The following GC variants were observed in gnomAD, a reference collection of about 807,000 sequenced individuals.
GC encodes the protein vitamin D-binding protein.
GC carries 43 observed loss-of-function variants against 56.7 expected under a neutral mutation model. The observed-to-expected ratio is 0.76, with a 90% CI of 0.59 to 0.98. GC has a LOEUF of 0.98. GC is among the 50% of genes least tolerant of loss of function. The pLI is 0.00. For synonymous variants in GC, 216 were observed against 202.7 expected (o/e 1.07, Z -0.56); for missense variants, 529 against 545.9 (o/e 0.97, Z 0.31).
intron 1 of GC, among the ~76,000 whole-genome samples, chr4:71,790,942 G>A (rs959536002): frequency 6.6e-6 from 1 of 151,666 alleles, no homozygotes; most frequent in Non-Finnish European, 1.5e-5. Flanking sequence ...ACAGTCCCCA[G>A]AGTGTGAAAC....
chr4:71,772,130 A>G (rs1255864590), intron 1 of GC, among the ~76,000 whole-genome samples: 9 of 152,174 alleles, frequency 5.9e-5, no homozygotes, highest in Non-Finnish European at 8.8e-5. Context: ...TATCCTCATC[A>G]TCTATAAGAT....
upstream of GC, among the ~76,000 whole-genome samples, chr4:71,788,098 A>C (rs530013614): frequency 1.3e-5 from 2 of 151,898 alleles, no homozygotes; most frequent in Non-Finnish European, 2.9e-5. Flanking sequence ...TGTAGTAAAC[A>C]CTAGTCATAA....
At position 71,754,465 on chromosome 4, in the gene GC, C is replaced by T; in HGVS notation, c.1208G>A (p.Gly403Glu). 4 of 1,593,320 alleles carry T rather than the reference C, an allele frequency of 2.5e-6. No homozygotes were observed. The highest frequency in any genetic ancestry group is 3.4e-6 in the Non-Finnish European group (4 of 1,162,042). The part of the protein sequence containing the change: ...KKELSSFIDK[G>E]QELCADYSEN... ...TGAATAATCTGCACATAGTTCTTGT[C>T]CCTTGTCAATGAAAGAAGATAGTTC... Residue 403 changes from glycine (G) to glutamate (E), a missense_variant, in exon 10 of 13, where the codon GGA (glycine) becomes GAA (glutamate). By Grantham distance (98) the Gly-to-Glu change is moderately conservative. Coordinates refer to ENST00000273951, the MANE Select transcript of GC (RefSeq NM_000583.4).
rs1472876428 is a variant in GC at position 71,746,177 on chromosome 4, T to C, written c.1424A>G (p.Ter475TrpextTer2). 5 of 1,318,474 alleles carry C rather than the reference T, an allele frequency of 3.8e-6. No individual in the cohort carries two copies. The highest frequency in any genetic ancestry group is 2.3e-5 in the East Asian group (1 of 43,330). 81.7% of individuals were successfully genotyped at this position (1,318,474 alleles called of 1,614,324 possible). ...EIDAELKNIL[*>W] ...AAAGTTAATAAACATGCTTCAGGAC[T>C]ACAGGATATTCTTCAATTCAGCATC... Residue 475 changes from the stop codon to tryptophan, a stop_lost, in exon 12 of 13, where the codon TAG (stop) becomes TGG (tryptophan). Coordinates refer to ENST00000273951, the MANE Select transcript of GC (RefSeq NM_000583.4).
At chr4:71,761,442 C>T (rs1578293542) in intron 6 of GC, among the ~76,000 whole-genome samples, 1 of 152,268 alleles carries the variant, frequency 6.6e-6, no homozygotes, top group East Asian at 1.9e-4. Context: ...AGAAAATTTG[C>T]AGCCAGACAA....
chr4:71,766,382 T>A (rs1202323749), intron 3 of GC, among the ~76,000 whole-genome samples: 1 of 152,124 alleles, frequency 6.6e-6, no homozygotes, highest in Non-Finnish European at 1.5e-5. Flanking sequence ...TCAACAATGA[T>A]ACACTGATAC....
intron 1 of GC, among the ~76,000 whole-genome samples, chr4:71,793,499 T>C (rs1743019881): frequency 6.6e-6 from 1 of 152,200 alleles, no homozygotes; most frequent in Non-Finnish European, 1.5e-5. Context: ...TTTTATACAT[T>C]GATTTTGTAT....
At chr4:71,791,772 T>C (rs1742973578) in intron 1 of GC, among the ~76,000 whole-genome samples, 1 of 152,050 alleles carries the variant, frequency 6.6e-6, no homozygotes, top group African/African-American at 2.4e-5. Flanking sequence ...ACCCATCAAC[T>C]TGTCATTTAC....
At chr4:71,779,030 C>G (rs1285430786) in intron 1 of GC, among the ~76,000 whole-genome samples, 2 of 151,314 alleles carry the variant, frequency 1.3e-5, no homozygotes, top group Non-Finnish European at 3.0e-5. Context: ...TCAGCTATCT[C>G]CTGGGAGCAT....
chr4:71,761,286 C>T (rs1364520655), intron 6 of GC, among the ~76,000 whole-genome samples: 1 of 152,012 alleles, frequency 6.6e-6, no homozygotes, highest in Non-Finnish European at 1.5e-5. Context: ...TTGCCCCGGC[C>T]CTGAAGATCT....
intron 1 of GC, among the ~76,000 whole-genome samples, chr4:71,791,097 C>A (rs1364949719): frequency 6.6e-6 from 1 of 152,098 alleles, no homozygotes; most frequent in Non-Finnish European, 1.5e-5. Flanking sequence ...TTATACCTGA[C>A]AGTTTTTTCT....
chr4:71,804,031 G>T, exon 1 of GC: 1 of 850,482 alleles, frequency 1.2e-6, no homozygotes, highest in Non-Finnish European at 1.9e-6. Context: ...CAATCTCTTT[G>T]AAAAAACAGT....
upstream of GC, among the ~76,000 whole-genome samples, chr4:71,804,466 G>A (rs2933144): frequency 5.3e-5 from 8 of 152,212 alleles, no homozygotes; most frequent in East Asian, 3.9e-4. Flanking sequence ...CCCTCCCCTG[G>A]AGCATTGCAG....
At chr4:71,779,352 T>C (rs1742603205) in intron 1 of GC, among the ~76,000 whole-genome samples, 1 of 151,752 alleles carries the variant, frequency 6.6e-6, no homozygotes, top group South Asian at 2.1e-4. Flanking sequence ...GTAGGTGTTA[T>C]TTGTGGTAGG....
chr4:71,788,149 C>T (rs1026583808), upstream of GC, among the ~76,000 whole-genome samples: 1 of 151,734 alleles, frequency 6.6e-6, no homozygotes, highest in African/African-American at 2.4e-5. Context: ...AGAAATTTAT[C>T]AACCCTGGAT....
chr4:71,775,012 C>T (rs1279471687), intron 1 of GC, among the ~76,000 whole-genome samples: 4 of 139,064 alleles, frequency 2.9e-5, no homozygotes, highest in African/African-American at 1.1e-4. Context: ...CATTCTTATT[C>T]TTCATTTTCT....
chr4:71,784,057 G>A lies in GC; in HGVS notation c.-39C>T, dbSNP rs3733359. ...AGTCTTGCAGCACCTCCTCTCTCCTGTAGGTGACCATGTAAAAGTGGTAGC... is the reference window on the plus strand; with the variant it reads ...AGTCTTGCAGCACCTCCTCTCTCCTATAGGTGACCATGTAAAAGTGGTAGC... On this transcript the variant is annotated 5_prime_UTR_variant, in exon 1 of 13. Coordinates refer to ENST00000273951, the MANE Select transcript of GC (RefSeq NM_000583.4). 0.084 allele frequency: 132,917 copies of A among 1,586,812 alleles called. 9,246 individuals carry two copies. The highest frequency in any genetic ancestry group is 0.35 in the East Asian group (15,598 of 44,256).
intron 1 of GC, among the ~76,000 whole-genome samples, chr4:71,790,221 C>T (rs530023077): frequency 9.9e-5 from 15 of 152,002 alleles, no homozygotes; most frequent in Non-Finnish European, 1.5e-4. Flanking sequence ...AAGTCATGTT[C>T]TTATTTAGTA....
At position 71,783,975 on chromosome 4, in the gene GC, T is replaced by C. The variant is rs956793510; in HGVS notation, c.44A>G (p.His15Arg). Residue 15 changes from histidine (H) to arginine (R), a missense_variant, in exon 1 of 13, where the codon CAT becomes CGT. Coordinates refer to ENST00000273951, the MANE Select transcript of GC (RefSeq NM_000583.4). ...AGAAATCTTACCTCTCTCTAAAGCA[T>C]GTCCAAATGCCACAGCAAGCAGTAG... ...LVLLLAVAFG[H>R]ALERGRDYEK... The C allele has an allele frequency of 3.7e-6, 6 of 1,601,782 alleles. No individual in the cohort carries two copies. The highest frequency in any genetic ancestry group is 1.7e-5 in the Admixed American group (1 of 58,766).
Sources: gnomAD v4.1 joint callset for allele counts (sites outside exome capture counted in the v4.1 genomes callset) on GRCh38, gnomAD v4.1.1 for gene constraint, MANE v1.5 for transcripts, NCBI Gene and HGNC (gene_info 2026-07-23, HGNC 2026-07-21) for gene names.